The following MICU1 variants were observed in gnomAD, a reference collection of about 807,000 sequenced individuals.
MICU1 encodes the protein calcium uptake protein 1, mitochondrial.
In MICU1, 45 loss-of-function variants were observed where a neutral mutation model predicts 56.8. That is an observed-to-expected ratio of 0.79 (90% CI 0.62 to 1.02). The LOEUF (loss-of-function observed/expected upper bound fraction) is 1.02, where lower values mean the gene tolerates loss of function less well. MICU1 is among the 50% of genes least tolerant of loss of function. The probability of loss-of-function intolerance (pLI) is 0.00; values close to 1 mark genes in which losing one functional copy is unlikely to be tolerated. For synonymous variants in MICU1, 186 were observed against 195.1 expected, an observed-to-expected ratio of 0.95 and a Z score of 0.39; for missense variants, 504 against 587.1, an observed-to-expected ratio of 0.86 and a Z score of 1.46.
intron 1 of MICU1, among the ~76,000 whole-genome samples, chr10:72,622,430 T>C (rs1460194822): frequency 1.3e-5 from 2 of 152,086 alleles, no homozygotes; most frequent in African/African-American, 2.4e-5. Context: ...ATTCCAAGCC[T>C]AGCCACACAA....
chr10:72,577,981 G>C (rs1368999011), intron 1 of MICU1, among the ~76,000 whole-genome samples: 1 of 152,146 alleles, frequency 6.6e-6, no homozygotes, highest in Non-Finnish European at 1.5e-5. Flanking sequence ...AGCAGGGTTT[G>C]GGAGAACTGA....
intron 3 of MICU1, among the ~76,000 whole-genome samples, chr10:72,559,584 G>C (rs895071444): frequency 1.3e-5 from 2 of 152,086 alleles, no homozygotes; most frequent in Non-Finnish European, 2.9e-5. Flanking sequence ...CTAGCACTTT[G>C]GGAGGCCAAG....
chr10:72,504,510 A>C (rs1201121615), intron 6 of MICU1, among the ~76,000 whole-genome samples: 5 of 152,216 alleles, frequency 3.3e-5, no homozygotes, highest in Admixed American at 2.6e-4. Flanking sequence ...GTAGGACCTC[A>C]AACTATAAAA....
chr10:72,409,683 G>A (rs878969332), intron 9 of MICU1, among the ~76,000 whole-genome samples: 1 of 152,058 alleles, frequency 6.6e-6, no homozygotes, highest in Non-Finnish European at 1.5e-5. Flanking sequence ...AGGGCTAGAC[G>A]CTGTCTCAAA....
chr10:72,525,708 T>A (rs2065806), intron 5 of MICU1, among the ~76,000 whole-genome samples: 89,542 of 151,966 alleles, frequency 0.59, 27,637 homozygotes, highest in Non-Finnish European at 0.67. Flanking sequence ...AACTCCTTTC[T>A]TAAACTGAGT....
chr10:72,462,292 C>G (rs1030950430), intron 8 of MICU1, among the ~76,000 whole-genome samples: 7 of 151,000 alleles, frequency 4.6e-5, no homozygotes, highest in Non-Finnish European at 1.0e-4. Flanking sequence ...TCACAGCTCA[C>G]TGTAGCCTTG....
At chr10:72,381,623 T>A (rs1862706387) in intron 10 of MICU1, among the ~76,000 whole-genome samples, 1 of 152,084 alleles carries the variant, frequency 6.6e-6, no homozygotes, top group Non-Finnish European at 1.5e-5. Flanking sequence ...GCTGACCCCC[T>A]GTGTACTCAG....
chr10:72,462,118 A>G (rs919495443), intron 8 of MICU1, among the ~76,000 whole-genome samples: 6 of 152,334 alleles, frequency 3.9e-5, no homozygotes, highest in Admixed American at 3.9e-4. Context: ...AGATCAAATG[A>G]AACAACGTAC....
At chr10:72,419,333 T>C (rs906543705) in intron 9 of MICU1, among the ~76,000 whole-genome samples, 3 of 152,226 alleles carry the variant, frequency 2.0e-5, no homozygotes, top group African/African-American at 7.2e-5. Flanking sequence ...TTGGGTACTG[T>C]AGAAGTGCTC....
intron 8 of MICU1, among the ~76,000 whole-genome samples, chr10:72,442,584 C>T (rs1048391511): frequency 3.9e-5 from 6 of 152,114 alleles, no homozygotes; most frequent in African/African-American, 1.2e-4. Context: ...TTATGCTAAG[C>T]GTTTGTGCTT....
intron 1 of MICU1, among the ~76,000 whole-genome samples, chr10:72,604,430 T>C (rs990895551): frequency 1.3e-5 from 2 of 152,094 alleles, no homozygotes; most frequent in African/African-American, 4.8e-5. Flanking sequence ...TGCACCACCA[T>C]GCCCAGCTAA....
At chr10:72,399,576 G>T (rs754372318) in intron 10 of MICU1, among the ~76,000 whole-genome samples, 51 of 152,068 alleles carry the variant, frequency 3.4e-4, no homozygotes, top group Non-Finnish European at 6.5e-4. Context: ...CACCCAGGAG[G>T]CAGAGATTGC....
At chr10:72,491,184 T>A (rs887101343) in intron 6 of MICU1, among the ~76,000 whole-genome samples, 1 of 152,228 alleles carries the variant, frequency 6.6e-6, no homozygotes, top group Admixed American at 6.5e-5. Flanking sequence ...CTGAGACAAG[T>A]TGGATGATTC....
rs7084252 is a variant in MICU1, at chr10:72,535,813, T to C, written c.494-2024A>G. 8.1e-3 allele frequency among the ~76,000 whole-genome samples: 1,240 copies of C among 152,226 alleles called. 15 individuals are homozygous for C. The highest frequency in any genetic ancestry group is 0.028 in the African/African-American group (1,169 of 41,540). The stretch of plus-strand genomic sequence containing the variant: ...TCAGCACTGTCCAACAGAAATATAG[T>C]GTGAATAACAAATGCAAGTCACATG... On this transcript the variant is annotated intron_variant, in intron 4 of 11. Transcript: ENST00000361114.
chr10:72,595,794 T>G (rs571469277), intron 1 of MICU1, among the ~76,000 whole-genome samples: 1 of 152,204 alleles, frequency 6.6e-6, no homozygotes, highest in East Asian at 1.9e-4. Context: ...CTACCACTGG[T>G]TAGCTCCCTT....
intron 9 of MICU1, among the ~76,000 whole-genome samples, chr10:72,417,663 A>G (rs1319850010): frequency 6.6e-6 from 1 of 152,222 alleles, no homozygotes; most frequent in Non-Finnish European, 1.5e-5. Context: ...GAAGTCTCAG[A>G]AAACTCTTTG....
Position 72,566,614 on chromosome 10 carries a change from A to T in MICU1, c.161+19T>A. 6.2e-7 allele frequency: 1 copy of T among 1,605,406 alleles called. No homozygotes were observed. Among genetic ancestry groups the T allele is most frequent in the Non-Finnish European group, 8.5e-7 (1 of 1,176,122 alleles). ...GAATAAAAGTATACGCAAGAACAAG[A>T]TGGTTGGATAACACTCACCTCTTCC... On this transcript the variant is annotated intron_variant, in intron 2 of 11. Coordinates refer to ENST00000361114, the MANE Select transcript of MICU1 (RefSeq NM_001195518.2).
intron 9 of MICU1, among the ~76,000 whole-genome samples, chr10:72,411,325 ACTTTT>A (rs1453879020): frequency 1.3e-5 from 2 of 149,086 alleles, no homozygotes; most frequent in Admixed American, 6.6e-5. Context: ...AAGCTCTTTT[ACTTTT>A]CTTTTTTTTT....
intron 10 of MICU1, among the ~76,000 whole-genome samples, chr10:72,394,300 TG>T (rs1237111630): frequency 6.6e-6 from 1 of 152,200 alleles, no homozygotes; most frequent in Non-Finnish European, 1.5e-5. Context: ...CATATCCTTT[TG>T]GGGGCCACCA....
Sources: gnomAD v4.1 joint callset for allele counts (sites outside exome capture counted in the v4.1 genomes callset) on GRCh38, gnomAD v4.1.1 for gene constraint, MANE v1.5 for transcripts, NCBI Gene and HGNC (gene_info 2026-07-23, HGNC 2026-07-21) for gene names.